The following SOX5 variants were observed in gnomAD, a reference collection of about 807,000 sequenced individuals.
SOX5 encodes SRY-box transcription factor 5, also known as transcription factor SOX-5.
SOX5 carries 9 observed loss-of-function variants against 92.0 expected under a neutral mutation model. That is an observed-to-expected ratio of 0.10 (90% CI 0.06 to 0.17). The LOEUF (loss-of-function observed/expected upper bound fraction) is 0.17, where lower values mean the gene tolerates loss of function less well. Ranked by LOEUF, SOX5 falls within the 10% of genes least tolerant of loss-of-function variation. The pLI, the probability that SOX5 is intolerant of heterozygous loss-of-function variation, is 1.00. For missense variants in SOX5, 642 were observed against 944.5 expected (o/e 0.68, Z 4.20); for synonymous variants, 344 against 336.3 (o/e 1.02, Z -0.25).
chr12:23,827,283 A>G (rs2096248949), intron 3 of SOX5, among the ~76,000 whole-genome samples: 1 of 152,248 alleles, frequency 6.6e-6, no homozygotes, highest in Non-Finnish European at 1.5e-5. Flanking sequence ...ATGTTTCATA[A>G]TCACCTGTAT....
intron 4 of SOX5, among the ~76,000 whole-genome samples, chr12:24,166,380 G>T (rs1449203956): frequency 2.6e-5 from 4 of 152,166 alleles, no homozygotes; most frequent in Non-Finnish European, 4.4e-5. Context: ...AAAGTGTGAG[G>T]TGGAAATATA....
rs180864067 is a variant in SOX5 at position 24,529,883 on chromosome 12, G to T, written c.-251+32446C>A. On this transcript the variant is annotated intron_variant, in intron 1 of 4. Transcript: ENST00000446891. Reference sequence around the variant, plus strand: ...AAAATACAAAAAATTAGCTAGGCGTGGTGGCGGGCGCCTGTAGTCCCAGCT... The same window carrying T: ...AAAATACAAAAAATTAGCTAGGCGTTGTGGCGGGCGCCTGTAGTCCCAGCT... Among the ~76,000 whole-genome samples, 1,243 of 152,208 alleles carry T rather than the reference G, an allele frequency of 8.2e-3. 18 individuals are homozygous for T. Among genetic ancestry groups the T allele is most frequent in the African/African-American group, 0.027 (1,129 of 41,530 alleles).
Position 23,649,495 on chromosome 12 carries a change from T to C in SOX5, c.932-8598A>G, listed in dbSNP as rs74939582. On this transcript the variant is annotated intron_variant, in intron 7 of 14. Coordinates refer to ENST00000451604, the MANE Select transcript of SOX5 (RefSeq NM_006940.6). ...GACTTTCAACTAGTTAAAAGTAATT[T>C]CTTCTACTCTTCCCTAGGTTTTAAC... Among the ~76,000 whole-genome samples, 950 of 152,242 alleles carry C rather than the reference T, an allele frequency of 6.2e-3. 11 individuals are homozygous for C. Among genetic ancestry groups the C allele is most frequent in the African/African-American group, 0.021 (893 of 41,580 alleles).
rs1956469570 is a variant in SOX5, at chr12:24,191,001, C to T, written c.-2+22342G>A. Among the ~76,000 whole-genome samples the T allele has an allele frequency of 2.0e-5, 3 of 152,084 alleles. No individual in the cohort carries two copies. The South Asian group carries it at 6.2e-4, about 32-fold the overall frequency. On this transcript the variant is annotated intron_variant, in intron 4 of 4. Transcript: ENST00000446891. ...TTCTCAAAAATTACATGAATTTCTT[C>T]TTCTTTTTTTAAGAGGTGGGGTCTT...
At chr12:24,051,788 T>A (rs1018702874) in intron 4 of SOX5, among the ~76,000 whole-genome samples, 2 of 152,208 alleles carry the variant, frequency 1.3e-5, no homozygotes, top group African/African-American at 4.8e-5. Flanking sequence ...TATTTCTAGC[T>A]TCATTCTCCC....
intron 9 of SOX5, among the ~76,000 whole-genome samples, chr12:23,585,254 C>T (rs1052617994): frequency 6.6e-6 from 1 of 152,160 alleles, no homozygotes; most frequent in Non-Finnish European, 1.5e-5. Flanking sequence ...ACTTGAATTT[C>T]AGTTCTTCTC....
At chr12:23,790,544 T>TCACACACA (rs1567782135) in intron 3 of SOX5, among the ~76,000 whole-genome samples, 1 of 3,916 alleles carries the variant, frequency 2.6e-4, no homozygotes, top group Non-Finnish European at 4.9e-4. Context: ...TCTCTCTCAA[T>TCACACACA]CTCTCACACA....
chr12:24,547,561 G>C (rs1323463414), intron 1 of SOX5, among the ~76,000 whole-genome samples: 4 of 152,214 alleles, frequency 2.6e-5, no homozygotes, highest in African/African-American at 9.7e-5. Context: ...ATTGAAAGCA[G>C]TAGAAATGGA....
chr12:24,473,891 T>C (rs1566253408), intron 1 of SOX5, among the ~76,000 whole-genome samples: 1 of 152,238 alleles, frequency 6.6e-6, no homozygotes, highest in Non-Finnish European at 1.5e-5. Flanking sequence ...GTCTGACTCA[T>C]GTTTGTAGAT....
intron 1 of SOX5, among the ~76,000 whole-genome samples, chr12:24,548,617 A>G (rs1417289238): frequency 6.6e-6 from 1 of 152,196 alleles, no homozygotes; most frequent in African/African-American, 2.4e-5. Flanking sequence ...ACACTGGGAG[A>G]TGACCAGAGG....
chr12:23,957,009 G>C (rs928855985), intron 4 of SOX5, among the ~76,000 whole-genome samples: 1 of 152,040 alleles, frequency 6.6e-6, no homozygotes, highest in Non-Finnish European at 1.5e-5. Flanking sequence ...TGATTTCTAA[G>C]GTCCCTTTCA....
At chr12:23,787,192 G>A (rs2095395863) in intron 3 of SOX5, among the ~76,000 whole-genome samples, 1 of 151,916 alleles carries the variant, frequency 6.6e-6, no homozygotes, top group Non-Finnish European at 1.5e-5. Context: ...AAACTTAACT[G>A]TAGGTTTATC....
At position 24,068,747 on chromosome 12, in the gene SOX5, TACACAC is replaced by T. The variant is rs147957201; in HGVS notation, c.-2+144590_-2+144595del. Among the ~76,000 whole-genome samples, 15 of 71,600 alleles carry T rather than the reference TACACAC, an allele frequency of 2.1e-4. No homozygotes were observed. The South Asian group carries it at 4.3e-3, about 20-fold the overall frequency. 47.0% of individuals were successfully genotyped at this position (71,600 alleles called of 152,430 possible). ...ATATATATATATATATATATATATA[TACACAC>T]ACACACATTAGTTCCTAGTTTATAT... On this transcript the variant is annotated intron_variant, in intron 4 of 4. Coordinates refer to the SOX5 transcript ENST00000446891.
chr12:24,539,307 A>G (rs1165676915), intron 1 of SOX5, among the ~76,000 whole-genome samples: 1 of 152,180 alleles, frequency 6.6e-6, no homozygotes, highest in African/African-American at 2.4e-5. Flanking sequence ...AAGAAATTTT[A>G]ACACAGGTAG....
At chr12:24,171,138 A>ATTTTTTTTT (rs71059984) in intron 4 of SOX5, among the ~76,000 whole-genome samples, 1 of 85,176 alleles carries the variant, frequency 1.2e-5, no homozygotes, top group Admixed American at 1.3e-4. Flanking sequence ...CCCAAGATCT[A>ATTTTTTTTT]TTTTTTTTTT....
In SOX5 at chr12:24,164,371, AACAT is replaced by A. The variant is rs560736243; in HGVS notation, c.-2+48968_-2+48971del. Reference sequence around the variant, plus strand: ...TTTCCTTTTTAATTAAGAAAGCTCCAACATACATATATATTTTATCTAATTTCTC... The same window carrying A: ...TTTCCTTTTTAATTAAGAAAGCTCCAACATATATATTTTATCTAATTTCTC... On this transcript the variant is annotated intron_variant, in intron 4 of 4. Transcript: ENST00000446891. 2.0e-3 allele frequency among the ~76,000 whole-genome samples: 311 copies of A among 152,202 alleles called. 1 individual carries two copies. The highest frequency in any genetic ancestry group is 4.8e-3 in the Admixed American group (73 of 15,270).
chr12:23,593,339 TA>T (rs938093891), intron 9 of SOX5, among the ~76,000 whole-genome samples: 7 of 152,170 alleles, frequency 4.6e-5, no homozygotes, highest in Admixed American at 3.3e-4. Context: ...GTCTTTGTTT[TA>T]AAAACCATAA....
At chr12:24,441,401 A>C (rs1940557497) in intron 1 of SOX5, among the ~76,000 whole-genome samples, 1 of 151,954 alleles carries the variant, frequency 6.6e-6, no homozygotes, top group Non-Finnish European at 1.5e-5. Flanking sequence ...TTAATTCCTG[A>C]CTCTCCTTAA....
chr12:23,894,057 G>A (rs911222516), intron 2 of SOX5, among the ~76,000 whole-genome samples: 4 of 152,050 alleles, frequency 2.6e-5, no homozygotes, highest in Admixed American at 1.3e-4. Flanking sequence ...TAGCTGATCC[G>A]AACAAGTTAT....
Sources: gnomAD v4.1 joint callset for allele counts (sites outside exome capture counted in the v4.1 genomes callset) on GRCh38, gnomAD v4.1.1 for gene constraint, MANE v1.5 for transcripts, NCBI Gene and HGNC (gene_info 2026-07-23, HGNC 2026-07-21) for gene names.